SEC11A: variants seen among roughly 807,000 people sequenced by gnomAD.
The protein encoded by SEC11A is SEC11 homolog A, signal peptidase complex subunit, also known as signal peptidase complex catalytic subunit SEC11A.
Under a neutral mutation model 25.6 loss-of-function variants are expected in SEC11A, and 14 were observed. That is an observed-to-expected ratio of 0.55 (90% CI 0.36 to 0.85). SEC11A has a LOEUF of 0.85. Ranked by LOEUF, SEC11A falls within the 40% of genes least tolerant of loss-of-function variation. SEC11A has a pLI of 0.01. For synonymous variants in SEC11A, 83 were observed against 76.4 expected, an observed-to-expected ratio of 1.09 and a Z score of -0.45; for missense variants, 153 against 222.9, an observed-to-expected ratio of 0.69 and a Z score of 2.00.
intron 4 of SEC11A, among the ~76,000 whole-genome samples, chr15:84,677,149 G>C (rs1376537824): frequency 6.6e-6 from 1 of 151,968 alleles, no homozygotes; most frequent in Non-Finnish European, 1.5e-5. Flanking sequence ...CTGTGGAAAA[G>C]CTCTATTCTT....
At chr15:84,706,614 G>T (rs943375313) in intron 1 of SEC11A, among the ~76,000 whole-genome samples, 1 of 152,218 alleles carries the variant, frequency 6.6e-6, no homozygotes. Flanking sequence ...CTATGATCAT[G>T]TGACCAATTA....
intron 3 of SEC11A, among the ~76,000 whole-genome samples, chr15:84,687,350 T>C (rs1009095039): frequency 1.3e-5 from 2 of 152,208 alleles, no homozygotes; most frequent in Admixed American, 1.3e-4. Context: ...TATGTCATAG[T>C]TTTTTGGAAT....
intron 1 of SEC11A, among the ~76,000 whole-genome samples, chr15:84,706,961 T>C (rs538300358): frequency 2.6e-5 from 4 of 152,270 alleles, no homozygotes; most frequent in African/African-American, 9.6e-5. Context: ...ACTCAGAGAC[T>C]AGACAGACAG....
At chr15:84,684,651 G>A (rs1897367684) in intron 3 of SEC11A, among the ~76,000 whole-genome samples, 1 of 152,114 alleles carries the variant, frequency 6.6e-6, no homozygotes, top group Non-Finnish European at 1.5e-5. Context: ...ACCAAATGGG[G>A]CTGGGTGCAG....
chr15:84,706,642 TATAAC>T (rs1898102078), intron 1 of SEC11A, among the ~76,000 whole-genome samples: 1 of 152,218 alleles, frequency 6.6e-6, no homozygotes, highest in African/African-American at 2.4e-5. Context: ...AAAGGATAGT[TATAAC>T]AGAAACGTAA....
At chr15:84,684,540 T>G (rs117200332) in intron 3 of SEC11A, among the ~76,000 whole-genome samples, 1,742 of 152,244 alleles carry the variant, frequency 0.011, 18 homozygotes, top group South Asian at 0.044. Context: ...ATTAGCAGCA[T>G]GAGAACAGAC....
intron 1 of SEC11A, among the ~76,000 whole-genome samples, chr15:84,703,637 A>G (rs1898012333): frequency 6.6e-6 from 1 of 152,210 alleles, no homozygotes; most frequent in African/African-American, 2.4e-5. Flanking sequence ...TTCAAGCGAT[A>G]CAGCAGTTGT....
intron 1 of SEC11A, among the ~76,000 whole-genome samples, chr15:84,701,936 G>C (rs1051219855): frequency 6.6e-6 from 1 of 151,690 alleles, no homozygotes; most frequent in Non-Finnish European, 1.5e-5. Flanking sequence ...GTGTGGTGGC[G>C]TGCGGCTGTA....
chr15:84,673,760 T>C (rs1042652010), intron 4 of SEC11A: 3 of 152,042 alleles, frequency 2.0e-5, no homozygotes, highest in African/African-American at 7.3e-5. Flanking sequence ...AATATAAAAA[T>C]TAGCTGGGCA....
chr15:84,699,600 C>T (rs1897867941), intron 1 of SEC11A, among the ~76,000 whole-genome samples: 2 of 151,940 alleles, frequency 1.3e-5, no homozygotes, highest in South Asian at 4.1e-4. Flanking sequence ...GCAGACAGAG[C>T]CTAGCAGTCT....
chr15:84,673,857 C>T (rs978602232), intron 4 of SEC11A: 9 of 151,976 alleles, frequency 5.9e-5, no homozygotes, highest in Non-Finnish European at 1.2e-4. Flanking sequence ...TGCACTGAGC[C>T]GAGATTGTGC....
intron 1 of SEC11A, among the ~76,000 whole-genome samples, chr15:84,708,292 G>A: frequency 6.7e-6 from 1 of 149,750 alleles, no homozygotes. Flanking sequence ...ATGTTCTTGT[G>A]TATGTAATGG....
chr15:84,701,006 A>AT (rs869256641), intron 1 of SEC11A, among the ~76,000 whole-genome samples: 1 of 144,168 alleles, frequency 6.9e-6, no homozygotes. Flanking sequence ...AAAAAAAAAA[A>AT]TCCAAGACCT....
chr15:84,696,228 T>A (rs1451493905), intron 1 of SEC11A, among the ~76,000 whole-genome samples: 1 of 152,204 alleles, frequency 6.6e-6, no homozygotes, highest in African/African-American at 2.4e-5. Context: ...GCTGCTTGTC[T>A]ACTGGCTGGC....
intron 4 of SEC11A, among the ~76,000 whole-genome samples, chr15:84,679,584 TG>T (rs528300899): frequency 1.1e-4 from 17 of 152,370 alleles, no homozygotes; most frequent in Non-Finnish European, 2.1e-4. Flanking sequence ...GCAGAGGTTC[TG>T]ACAGTGGCAA....
At chr15:84,690,868 C>T (rs778542270) in intron 2 of SEC11A, among the ~76,000 whole-genome samples, 1 of 152,064 alleles carries the variant, frequency 6.6e-6, no homozygotes, top group East Asian at 1.9e-4. Flanking sequence ...ATCTAATGAA[C>T]TAACAACTAA....
chr15:84,694,946 C>T (rs1376156886), intron 1 of SEC11A, among the ~76,000 whole-genome samples: 1 of 151,338 alleles, frequency 6.6e-6, no homozygotes, highest in Non-Finnish European at 1.5e-5. Flanking sequence ...AAAAATTAGC[C>T]AGGCGCAGTG....
intron 1 of SEC11A, among the ~76,000 whole-genome samples, chr15:84,692,660 C>A (rs1410538023): frequency 6.6e-6 from 1 of 152,156 alleles, no homozygotes; most frequent in Non-Finnish European, 1.5e-5. Context: ...TGTGAGCTAA[C>A]TGTTTTGGGC....
intron 3 of SEC11A, among the ~76,000 whole-genome samples, chr15:84,681,450 C>T (rs966491298): frequency 1.3e-5 from 2 of 151,880 alleles, no homozygotes; most frequent in Non-Finnish European, 2.9e-5. Flanking sequence ...GCCAACATGG[C>T]GAAACCCTGT....
Sources: allele counts gnomAD v4.1 joint callset (sites outside exome capture counted in the v4.1 genomes callset), GRCh38; gene constraint gnomAD v4.1.1; transcripts MANE v1.5; gene names NCBI Gene and HGNC (gene_info 2026-07-23, HGNC 2026-07-21).